Variants in SPATA17 observed in about 807,000 individuals in gnomAD.
The protein encoded by SPATA17 is spermatogenesis-associated protein 17.
In SPATA17, 53 loss-of-function variants were observed where a neutral mutation model predicts 62.2. That is an observed-to-expected ratio of 0.85 (90% CI 0.68 to 1.07). SPATA17 has a LOEUF of 1.07. SPATA17 is among the 50% of genes least tolerant of loss of function. The probability of loss-of-function intolerance (pLI) is 0.00; values close to 1 mark genes in which losing one functional copy is unlikely to be tolerated. For synonymous variants in SPATA17, 146 were observed against 146.8 expected, an observed-to-expected ratio of 0.99 and a Z score of 0.04; for missense variants, 466 against 425.5, an observed-to-expected ratio of 1.10 and a Z score of -0.84.
At chr1:217,647,360 G>A (rs183430375) in intron 1 of SPATA17, among the ~76,000 whole-genome samples, 37 of 152,268 alleles carry the variant, frequency 2.4e-4, no homozygotes, top group African/African-American at 8.4e-4. Flanking sequence ...ATTTCTCACC[G>A]GGATGGAATA....
intron 9 of SPATA17, among the ~76,000 whole-genome samples, chr1:217,845,359 C>T (rs936141897): frequency 3.9e-5 from 6 of 152,048 alleles, no homozygotes; most frequent in African/African-American, 1.2e-4. Flanking sequence ...CTCTTTGGAT[C>T]GAAGCCTCTT....
chr1:217,715,983 G>A (rs928601769), intron 5 of SPATA17, among the ~76,000 whole-genome samples: 12 of 152,084 alleles, frequency 7.9e-5, no homozygotes, highest in South Asian at 2.1e-4. Context: ...ATGAATATGC[G>A]TCGAGTTTCT....
intron 4 of SPATA17, among the ~76,000 whole-genome samples, chr1:217,678,113 C>T (rs1320574686): frequency 6.6e-6 from 1 of 151,368 alleles, no homozygotes; most frequent in Non-Finnish European, 1.5e-5. Flanking sequence ...CTGAGTTCTA[C>T]TTCTGTGCTC....
intron 5 of SPATA17, among the ~76,000 whole-genome samples, chr1:217,706,833 A>C (rs749404359): frequency 1.3e-5 from 2 of 149,582 alleles, no homozygotes; most frequent in Non-Finnish European, 1.5e-5. Flanking sequence ...CTATATTTCT[A>C]TTTATTATGT....
intron 9 of SPATA17, among the ~76,000 whole-genome samples, chr1:217,850,906 G>A (rs142519701): frequency 1.3e-5 from 2 of 152,120 alleles, no homozygotes; most frequent in East Asian, 3.9e-4. Context: ...AATATAAAAG[G>A]ACTGTGAGAA....
At chr1:217,754,121 A>T (rs2102957807) in intron 6 of SPATA17, among the ~76,000 whole-genome samples, 1 of 152,170 alleles carries the variant, frequency 6.6e-6, no homozygotes, top group Non-Finnish European at 1.5e-5. Flanking sequence ...AGTCCCAGCT[A>T]CTTGGGAGGC....
At chr1:217,688,101 A>T (rs1671262094) in intron 5 of SPATA17, among the ~76,000 whole-genome samples, 1 of 152,184 alleles carries the variant, frequency 6.6e-6, no homozygotes, top group Admixed American at 6.6e-5. Context: ...ACAGCGGTGC[A>T]TGCCTGTAGT....
At chr1:217,690,623 A>C in intron 5 of SPATA17, among the ~76,000 whole-genome samples, 2 of 119,190 alleles carry the variant, frequency 1.7e-5, no homozygotes, top group South Asian at 6.5e-4. Flanking sequence ...ATATCTCCCA[A>C]TGCTATCCCT....
At chr1:217,779,788 C>G (rs1448043001) in intron 7 of SPATA17, among the ~76,000 whole-genome samples, 1 of 152,086 alleles carries the variant, frequency 6.6e-6, no homozygotes, top group African/African-American at 2.4e-5. Context: ...GTACTCTAAT[C>G]AGAGTAGCTT....
chr1:217,854,100 G>A (rs1299900057), intron 9 of SPATA17, among the ~76,000 whole-genome samples: 1 of 152,100 alleles, frequency 6.6e-6, no homozygotes, highest in South Asian at 2.1e-4. Flanking sequence ...GAAACAGCTG[G>A]ATTGGTTAGA....
intron 4 of SPATA17, among the ~76,000 whole-genome samples, chr1:217,673,628 C>T (rs1310474523): frequency 6.6e-6 from 1 of 152,116 alleles, no homozygotes; most frequent in Admixed American, 6.5e-5. Context: ...CATTTCTCTC[C>T]CTCTGCCATC....
chr1:217,798,321 C>T (rs1674207865), intron 8 of SPATA17, among the ~76,000 whole-genome samples: 1 of 152,066 alleles, frequency 6.6e-6, no homozygotes, highest in South Asian at 2.1e-4. Context: ...ATTCTGTTAT[C>T]TCATTATATT....
chr1:217,839,420 G>C (rs778065593), intron 9 of SPATA17, among the ~76,000 whole-genome samples: 4 of 152,076 alleles, frequency 2.6e-5, no homozygotes, highest in Non-Finnish European at 4.4e-5. Flanking sequence ...GCTTGGATTA[G>C]AGTTTCATCA....
chr1:217,764,412 T>A (rs1296390722), intron 6 of SPATA17, among the ~76,000 whole-genome samples: 1 of 152,164 alleles, frequency 6.6e-6, no homozygotes, highest in Non-Finnish European at 1.5e-5. Flanking sequence ...CATGGTGTGA[T>A]AGGTCATTGT....
chr1:217,863,806 A>G (rs1675945461), intron 10 of SPATA17, among the ~76,000 whole-genome samples: 3 of 152,282 alleles, frequency 2.0e-5, no homozygotes, highest in South Asian at 4.1e-4. Flanking sequence ...TAAAGAATGT[A>G]TTGGGTGAAG....
intron 3 of SPATA17, among the ~76,000 whole-genome samples, chr1:217,659,819 A>G (rs1261561443): frequency 1.3e-5 from 2 of 152,040 alleles, no homozygotes; most frequent in Admixed American, 6.6e-5. Flanking sequence ...CTCACCTTCT[A>G]TTGGTCATCA....
At chr1:217,853,250 C>T (rs116572802) in intron 9 of SPATA17, among the ~76,000 whole-genome samples, 2,618 of 152,062 alleles carry the variant, frequency 0.017, 72 homozygotes, top group African/African-American at 0.059. Flanking sequence ...TATAATGCTT[C>T]GCTTATTCAT....
intron 3 of SPATA17, among the ~76,000 whole-genome samples, chr1:217,665,650 TCAGCCATGTATA>T (rs1670678317): frequency 6.6e-6 from 1 of 152,196 alleles, no homozygotes; most frequent in South Asian, 2.1e-4. Context: ...TTCAAAATAC[TCAGCCATGTATA>T]CAGTTGGGTC....
At position 217,836,570 on chromosome 1, in the gene SPATA17, C is replaced by T. The variant is rs112691012; in HGVS notation, c.1006-26204C>T. Among the ~76,000 whole-genome samples, 949 of 152,204 alleles carry T rather than the reference C, an allele frequency of 6.2e-3. 4 individuals are homozygous for T. Among genetic ancestry groups the T allele is most frequent in the African/African-American group, 0.021 (882 of 41,552 alleles). On this transcript the variant is annotated intron_variant, in intron 9 of 10. Coordinates refer to ENST00000366933, the MANE Select transcript of SPATA17 (RefSeq NM_138796.4). ...AAAAAGAAGTACTATGTCCACTGTACTCTTCCAAGTGACAAATCAACTCTA... is the reference window on the plus strand; with the variant it reads ...AAAAAGAAGTACTATGTCCACTGTATTCTTCCAAGTGACAAATCAACTCTA...
Sources: allele counts gnomAD v4.1 joint callset (sites outside exome capture counted in the v4.1 genomes callset), GRCh38; gene constraint gnomAD v4.1.1; transcripts MANE v1.5; gene names NCBI Gene and HGNC (gene_info 2026-07-23, HGNC 2026-07-21).